The following NDST4 variants were observed in gnomAD, a reference collection of about 807,000 sequenced individuals.
NDST4 encodes N-heparan sulfate sulfotransferase 4.
NDST4 carries 63 observed loss-of-function variants against 100.8 expected under a neutral mutation model. The observed-to-expected ratio is 0.62, with a 90% CI of 0.51 to 0.77. The LOEUF is 0.77. NDST4 is among the 30% of genes least tolerant of loss of function. The pLI is 0.00. For missense variants in NDST4, 943 were observed against 1,018.4 expected (o/e 0.93, Z 1.01); for synonymous variants, 377 against 361.8 (o/e 1.04, Z -0.48).
chr4:115,000,973 C>T (rs1727278027), intron 2 of NDST4, among the ~76,000 whole-genome samples: 1 of 152,100 alleles, frequency 6.6e-6, no homozygotes, highest in Non-Finnish European at 1.5e-5. Flanking sequence ...GATGCATGAA[C>T]TCCCCTGGGC....
intron 2 of NDST4, among the ~76,000 whole-genome samples, chr4:115,020,805 G>GA (rs1397351118): frequency 6.6e-6 from 1 of 152,002 alleles, no homozygotes; most frequent in Non-Finnish European, 1.5e-5. Context: ...AACATCGTAT[G>GA]AAAAAATGCT....
intron 6 of NDST4, among the ~76,000 whole-genome samples, chr4:114,889,208 T>C (rs1724541675): frequency 6.6e-6 from 1 of 152,212 alleles, no homozygotes; most frequent in East Asian, 1.9e-4. Flanking sequence ...ACTTAATTCA[T>C]AATTCTGTTT....
In NDST4 at chr4:115,070,899, G is replaced by A. The variant is rs142819667; in HGVS notation, c.978+5160C>T. Among the ~76,000 whole-genome samples the A allele has an allele frequency of 3.1e-3, 472 of 152,192 alleles. 2 individuals carry two copies. Among genetic ancestry groups the A allele is most frequent in the Middle Eastern group, 0.01 (3 of 294 alleles). On this transcript the variant is annotated intron_variant, in intron 2 of 13. Transcript: ENST00000264363. ...GTGGGTGAATCACTTGAAGTCAGAAGTTTGATGCCAGCGTGGCCAACATGG... is the reference window on the plus strand; with the variant it reads ...GTGGGTGAATCACTTGAAGTCAGAAATTTGATGCCAGCGTGGCCAACATGG...
intron 9 of NDST4, among the ~76,000 whole-genome samples, 182 bp from the exon 10 acceptor site, chr4:114,846,179 T>C (rs1474623708): frequency 6.6e-6 from 1 of 152,194 alleles, no homozygotes; most frequent in African/African-American, 2.4e-5. Flanking sequence ...AATATTCCTC[T>C]TCTAATGACC....
chr4:115,089,009 A>G (rs573715389), intron 1 of NDST4, among the ~76,000 whole-genome samples: 5 of 152,188 alleles, frequency 3.3e-5, no homozygotes, highest in South Asian at 2.1e-4. Context: ...TGATTTATTT[A>G]GAATTGAATC....
chr4:114,830,202 T>A (rs1723164499), intron 12 of NDST4, among the ~76,000 whole-genome samples: 1 of 152,208 alleles, frequency 6.6e-6, no homozygotes, highest in South Asian at 2.1e-4. Context: ...GACCAATAAC[T>A]GAAATTACAG....
rs200127193 is a variant in NDST4 at position 114,870,958 on chromosome 4, A to G, written c.1537-8T>C. The G allele has an allele frequency of 1.8e-4, 283 of 1,591,602 alleles. 1 individual carries two copies. Among genetic ancestry groups the G allele is most frequent in the Middle Eastern group, 1.7e-3 (10 of 5,926 alleles). On this transcript the variant is annotated splice_polypyrimidine_tract_variant and splice_region_variant and intron_variant, in intron 6 of 13. Transcript: ENST00000264363. ...GGTCATGAAAATGCTGATCTGAAAG[A>G]TAAATAAAAATGACCACAAAAATAT...
Position 114,951,271 on chromosome 4 carries a change from G to A in NDST4, c.1222-13768C>T, listed in dbSNP as rs554107832. Among the ~76,000 whole-genome samples, 3 of 151,858 alleles carry A rather than the reference G, an allele frequency of 2.0e-5. No individual in the cohort carries two copies. In the South Asian group the frequency reaches 6.2e-4, roughly 32 times the overall value. On this transcript the variant is annotated intron_variant, in intron 4 of 13. Transcript: ENST00000264363. ...TTATCATCCATGTTCTTTTTTCTTG[G>A]AATGTTTGTTAAAATATTAGTTTTT... is the stretch of plus-strand genomic sequence containing the variant.
At chr4:115,107,737 G>A (rs779512626) in intron 1 of NDST4, among the ~76,000 whole-genome samples, 30 of 151,934 alleles carry the variant, frequency 2.0e-4, no homozygotes, top group Non-Finnish European at 3.2e-4. Flanking sequence ...CTAGTAACTT[G>A]CATGGTGCCT....
chr4:114,932,194 G>A (rs1421389009), intron 6 of NDST4, among the ~76,000 whole-genome samples: 2 of 151,782 alleles, frequency 1.3e-5, no homozygotes, highest in African/African-American at 4.8e-5. Flanking sequence ...TTCAACATAT[G>A]CAAATCCATA....
chr4:115,090,175 T>TTC (rs1470146487), intron 1 of NDST4, among the ~76,000 whole-genome samples: 1 of 151,820 alleles, frequency 6.6e-6, no homozygotes, highest in Non-Finnish European at 1.5e-5. Flanking sequence ...ACTCAATCCT[T>TTC]TCTCTTGTAT....
intron 2 of NDST4, among the ~76,000 whole-genome samples, chr4:114,995,277 T>C (rs577849448): frequency 6.6e-6 from 1 of 152,024 alleles, no homozygotes; most frequent in African/African-American, 2.4e-5. Flanking sequence ...TTAATGTGAA[T>C]GTAAGTGACA....
At chr4:114,859,653 ACT>A (rs1269235047) in intron 7 of NDST4, among the ~76,000 whole-genome samples, 1 of 152,026 alleles carries the variant, frequency 6.6e-6, no homozygotes, top group Non-Finnish European at 1.5e-5. Flanking sequence ...CGGAAATCAA[ACT>A]CTGCATCCCC....
intron 3 of NDST4, among the ~76,000 whole-genome samples, chr4:114,976,726 G>C (rs1726641949): frequency 6.6e-6 from 1 of 151,904 alleles, no homozygotes; most frequent in Non-Finnish European, 1.5e-5. Flanking sequence ...AACAAGTTTA[G>C]AGTCTATTAC....
chr4:114,860,085 T>A (rs1723887407), intron 7 of NDST4, among the ~76,000 whole-genome samples: 1 of 152,220 alleles, frequency 6.6e-6, no homozygotes, highest in African/African-American at 2.4e-5. Flanking sequence ...TGTTAGAATT[T>A]ACCTTGGAAA....
rs147327364 is a variant in NDST4 at position 114,848,880 on chromosome 4, C to T, written c.1817-542G>A. 1.7e-3 allele frequency among the ~76,000 whole-genome samples: 254 copies of T among 152,230 alleles called. 1 individual carries two copies. Among genetic ancestry groups the T allele is most frequent in the African/African-American group, 5.5e-3 (230 of 41,532 alleles). On this transcript the variant is annotated intron_variant, in intron 8 of 13. Coordinates refer to ENST00000264363, the MANE Select transcript of NDST4 (RefSeq NM_022569.3). The stretch of plus-strand genomic sequence containing the variant: ...CCCTGTGTGGACTTGGACAAGTACA[C>T]AAGTAATTGTGATGTTGTGGGACAG...
intron 11 of NDST4, among the ~76,000 whole-genome samples, chr4:114,838,663 T>C (rs1036777915): frequency 6.6e-6 from 1 of 152,082 alleles, no homozygotes. Flanking sequence ...CACTGTGGCC[T>C]GTCAGGGGTG....
At position 115,022,372 on chromosome 4, in the gene NDST4, C is replaced by CATATATAT. The variant is rs1262581740; in HGVS notation, c.979-45099_979-45098insATATATAT. Among the ~76,000 whole-genome samples, 31 of 128,202 alleles carry CATATATAT rather than the reference C, an allele frequency of 2.4e-4. 2 individuals are homozygous for CATATATAT. The highest frequency in any genetic ancestry group is 7.5e-4 in the Admixed American group (9 of 12,076). The allele number at this position is 128,202 out of a possible 152,430, so 84.1% of individuals were successfully genotyped here. ...ATGTGTTCCACGTACATATGTGTTC[C>CATATATAT]ATGTACATATGTGTTCCATATATAT... On this transcript the variant is annotated intron_variant, in intron 2 of 13. Transcript: ENST00000264363.
At position 115,089,801 on chromosome 4, in the gene NDST4, AG is replaced by A. The variant is rs557187654; in HGVS notation, c.-246-12520del. On this transcript the variant is annotated intron_variant, in intron 1 of 13. Coordinates refer to ENST00000264363, the MANE Select transcript of NDST4 (RefSeq NM_022569.3). ...ACAATGATCTCAGAATCAAGCCTAA[AG>A]TTTTGAAAATTGGAAAACCAATTGC... 3.7e-3 allele frequency among the ~76,000 whole-genome samples: 563 copies of A among 151,998 alleles called. 3 individuals are homozygous for A. Among genetic ancestry groups the A allele is most frequent in the South Asian group, 5.0e-3 (24 of 4,818 alleles).
Sources: gnomAD v4.1 joint callset for allele counts (sites outside exome capture counted in the v4.1 genomes callset) on GRCh38, gnomAD v4.1.1 for gene constraint, MANE v1.5 for transcripts, NCBI Gene and HGNC (gene_info 2026-07-23, HGNC 2026-07-21) for gene names.